PTPRO: variants seen among roughly 807,000 people sequenced by gnomAD.
PTPRO encodes the protein receptor-type tyrosine-protein phosphatase O.
PTPRO carries 62 observed loss-of-function variants against 145.2 expected under a neutral mutation model. That is an observed-to-expected ratio of 0.43 (90% CI 0.35 to 0.53). PTPRO has a LOEUF of 0.53. Ranked by LOEUF, PTPRO falls within the 20% of genes least tolerant of loss-of-function variation. PTPRO has a pLI of 0.01. For missense variants in PTPRO, 1,345 were observed against 1,482.7 expected (o/e 0.91, Z 1.53); for synonymous variants, 565 against 514.7 (o/e 1.10, Z -1.32).
chr12:15,344,562 G>A (rs1867129112), intron 1 of PTPRO, among the ~76,000 whole-genome samples: 1 of 152,152 alleles, frequency 6.6e-6, no homozygotes, highest in South Asian at 2.1e-4. Flanking sequence ...CACATTGAAA[G>A]TTAAAACTTT....
chr12:15,494,961 T>C (rs1056918781), intron 2 of PTPRO, among the ~76,000 whole-genome samples: 8 of 152,142 alleles, frequency 5.3e-5, no homozygotes, highest in Admixed American at 4.6e-4. Flanking sequence ...GTAGACTCCA[T>C]GGGTTAGTAA....
chr12:15,326,152 C>G (rs891506226), intron 1 of PTPRO, among the ~76,000 whole-genome samples: 3 of 152,150 alleles, frequency 2.0e-5, no homozygotes, highest in African/African-American at 7.2e-5. Flanking sequence ...AAAGAAGTTT[C>G]ACTTTTCGTG....
chr12:15,374,194 C>T (rs568679254), intron 1 of PTPRO, among the ~76,000 whole-genome samples: 33 of 152,036 alleles, frequency 2.2e-4, no homozygotes, highest in Admixed American at 7.9e-4. Flanking sequence ...TTCTCTAAAA[C>T]GGAAACTGGG....
intron 1 of PTPRO, among the ~76,000 whole-genome samples, chr12:15,367,885 C>T (rs1178313793): frequency 1.3e-5 from 2 of 152,188 alleles, no homozygotes; most frequent in Non-Finnish European, 2.9e-5. Flanking sequence ...CACCAAGCCT[C>T]ACCTGGAGTG....
intron 10 of PTPRO, among the ~76,000 whole-genome samples, chr12:15,523,457 T>C (rs1177051024): frequency 1.3e-5 from 2 of 152,210 alleles, no homozygotes; most frequent in Non-Finnish European, 2.9e-5. Context: ...TCTTCCCTCG[T>C]TGGCAAATTT....
chr12:15,333,545 G>A (rs531590020), intron 1 of PTPRO, among the ~76,000 whole-genome samples: 1 of 152,216 alleles, frequency 6.6e-6, no homozygotes, highest in Non-Finnish European at 1.5e-5. Flanking sequence ...CAAATGGAAG[G>A]TATGGGACAG....
intron 1 of PTPRO, among the ~76,000 whole-genome samples, chr12:15,333,513 A>T (rs1289239819): frequency 2.0e-5 from 3 of 152,214 alleles, no homozygotes; most frequent in Non-Finnish European, 2.9e-5. Context: ...AGTGTTGAAT[A>T]AATAAATGGA....
intron 12 of PTPRO, among the ~76,000 whole-genome samples, chr12:15,528,121 AG>A (rs368244568): frequency 1.3e-5 from 2 of 152,244 alleles, no homozygotes; most frequent in African/African-American, 4.8e-5. Flanking sequence ...TGGACAAAGG[AG>A]TGGAATGATT....
At position 15,407,086 on chromosome 12, in the gene PTPRO, C is replaced by T. The variant is rs551494295; in HGVS notation, c.76-76888C>T. Among the ~76,000 whole-genome samples the T allele has an allele frequency of 5.9e-5, 9 of 152,282 alleles. No individual in the cohort carries two copies. The East Asian group carries it at 1.2e-3, about 20-fold the overall frequency. ...TCACAATCTCAGTGATTTCCTTGAG[C>T]TTTTGGATCACAGAAATGAGAATGC... On this transcript the variant is annotated intron_variant, in intron 1 of 26. Coordinates refer to ENST00000281171, the MANE Select transcript of PTPRO (RefSeq NM_030667.3).
intron 1 of PTPRO, among the ~76,000 whole-genome samples, chr12:15,433,473 A>G (rs1274795023): frequency 2.6e-5 from 4 of 152,140 alleles, no homozygotes; most frequent in African/African-American, 9.7e-5. Flanking sequence ...GACAGCCACC[A>G]TGCCCAGCCA....
At chr12:15,490,855 T>C (rs1446133556) in intron 2 of PTPRO, among the ~76,000 whole-genome samples, 2 of 152,150 alleles carry the variant, frequency 1.3e-5, no homozygotes, top group African/African-American at 4.8e-5. Context: ...AGGACAAAGA[T>C]TCTGACTAAA....
chr12:15,490,596 GA>G (rs1941980754), intron 2 of PTPRO, among the ~76,000 whole-genome samples: 1 of 152,140 alleles, frequency 6.6e-6, no homozygotes, highest in Non-Finnish European at 1.5e-5. Context: ...TGGCCTTGTG[GA>G]CTGTAGTTTG....
chr12:15,452,051 A>G (rs1319913914), intron 1 of PTPRO, among the ~76,000 whole-genome samples: 1 of 152,168 alleles, frequency 6.6e-6, no homozygotes, highest in African/African-American at 2.4e-5. Flanking sequence ...AAATGAAACA[A>G]AAAACTGGTT....
At chr12:15,405,050 G>A (rs1939608148) in intron 1 of PTPRO, among the ~76,000 whole-genome samples, 1 of 152,072 alleles carries the variant, frequency 6.6e-6, no homozygotes, top group African/African-American at 2.4e-5. Context: ...ATGCATGAGG[G>A]TTTCACCTTC....
At chr12:15,464,528 T>G (rs1223269029) in intron 1 of PTPRO, among the ~76,000 whole-genome samples, 2 of 146,350 alleles carry the variant, frequency 1.4e-5, no homozygotes, top group African/African-American at 5.4e-5. Context: ...CTAATTTTGT[T>G]TTTTTTTTTG....
Position 15,560,213 on chromosome 12 carries a change from T to C in PTPRO, c.2648T>C (p.Phe883Ser). The C allele has an allele frequency of 6.3e-7, 1 of 1,594,162 alleles. No homozygotes were observed. The highest frequency in any genetic ancestry group is 8.6e-7 in the Non-Finnish European group (1 of 1,162,106). ...CACAGGCGTAGGAGTATATTTGCTT[T>C]CTTAACCCTGCTACCCTCATGTCTT... is the stretch of plus-strand genomic sequence containing the variant. ...PYNWRRSIFA[F>S]LTLLPSCLWT... The change falls in exon 17 of 27, where the codon TTC becomes TCC. Residue 883 changes from phenylalanine (F) to serine (S), a missense_variant. Coordinates refer to ENST00000281171, the MANE Select transcript of PTPRO (RefSeq NM_030667.3).
At position 15,322,626 on chromosome 12, in the gene PTPRO, G is replaced by A; in HGVS notation, c.-101G>A. On this transcript the variant is annotated 5_prime_UTR_variant, in exon 1 of 27. Transcript: ENST00000281171. This position sits in a 1 kb window ranked among gnomAD's most constrained non-coding sequence, Gnocchi z 6.3. The stretch of plus-strand genomic sequence containing the variant: ...CATGCGCTCGCCAGGAGCAACCTCG[G>A]CGCCCAGGGTCTGAGGCTGCAGCCC... 9.8e-7 allele frequency: 1 copy of A among 1,016,768 alleles called. No individual in the cohort carries two copies. The highest frequency in any genetic ancestry group is 1.5e-6 in the Non-Finnish European group (1 of 661,140). 63.0% of individuals were successfully genotyped at this position (1,016,768 alleles called of 1,614,324 possible). A position where few individuals can be genotyped will look rare whatever the true frequency, so the allele number is the denominator to read the frequency against.
chr12:15,375,961 A>G (rs539984724), intron 1 of PTPRO, among the ~76,000 whole-genome samples: 8 of 152,306 alleles, frequency 5.3e-5, no homozygotes, highest in African/African-American at 1.9e-4. Context: ...AGAAGAATAG[A>G]AAGAAAAATG....
intron 1 of PTPRO, among the ~76,000 whole-genome samples, chr12:15,432,889 T>C (rs1940483486): frequency 1.3e-5 from 2 of 152,234 alleles, no homozygotes; most frequent in South Asian, 4.1e-4. Context: ...TTATAGGTGC[T>C]GGATATTAGA....
Sources: allele counts gnomAD v4.1 joint callset (sites outside exome capture counted in the v4.1 genomes callset), GRCh38; gene constraint gnomAD v4.1.1; non-coding constraint Gnocchi (gnomAD v3.1); transcripts MANE v1.5; gene names NCBI Gene and HGNC (gene_info 2026-07-23, HGNC 2026-07-21).